ANO2: variants seen among roughly 807,000 people sequenced by gnomAD.
The protein encoded by ANO2 is anoctamin 2.
In ANO2, 101 loss-of-function variants were observed where a neutral mutation model predicts 124.2. That is an observed-to-expected ratio of 0.81 (90% CI 0.69 to 0.96). The LOEUF (loss-of-function observed/expected upper bound fraction) is 0.96, where lower values mean the gene tolerates loss of function less well. Among genes scored for constraint, ANO2 ranks in the 40% least tolerant of loss-of-function variants. ANO2 has a pLI of 0.00. For synonymous variants in ANO2, 486 were observed against 482.5 expected (o/e 1.01, Z -0.09); for missense variants, 1,293 against 1,274.5 (o/e 1.01, Z -0.22).
intron 4 of ANO2, among the ~76,000 whole-genome samples, chr12:5,842,837 G>T (rs1591683532): frequency 6.6e-6 from 1 of 152,230 alleles, no homozygotes; most frequent in Non-Finnish European, 1.5e-5. Flanking sequence ...ACCATCTCAG[G>T]TTCCTCACAG....
chr12:5,569,812 C>T (rs11063758), intron 23 of ANO2, among the ~76,000 whole-genome samples: 2,670 of 152,094 alleles, frequency 0.018, 83 homozygotes, highest in African/African-American at 0.061. Context: ...ATATGATTTC[C>T]GGAGCTTTTG....
intron 10 of ANO2, among the ~76,000 whole-genome samples, chr12:5,796,420 ACT>A (rs1377651984): frequency 6.7e-6 from 1 of 148,540 alleles, no homozygotes; most frequent in East Asian, 2.0e-4. Flanking sequence ...ACACTCTCAT[ACT>A]CTTACACTCA....
intron 14 of ANO2, among the ~76,000 whole-genome samples, chr12:5,673,603 T>C (rs1948110299): frequency 6.6e-6 from 1 of 152,198 alleles, no homozygotes; most frequent in African/African-American, 2.4e-5. Context: ...CTTCATAAAA[T>C]AAACATTAGT....
chr12:5,797,490 T>C (rs1209948419), intron 10 of ANO2, among the ~76,000 whole-genome samples: 1 of 152,046 alleles, frequency 6.6e-6, no homozygotes, highest in East Asian at 1.9e-4. Context: ...GCTCACTGAG[T>C]CTAAGTAGCT....
At chr12:5,776,903 G>A (rs1018965580) in intron 10 of ANO2, among the ~76,000 whole-genome samples, 1 of 152,174 alleles carries the variant, frequency 6.6e-6, no homozygotes, top group African/African-American at 2.4e-5. Flanking sequence ...TAACCTGGAG[G>A]ACAACTCCAA....
intron 3 of ANO2, among the ~76,000 whole-genome samples, chr12:5,903,647 ATGTGTGTGTGTG>A (rs143239619): frequency 6.7e-6 from 1 of 148,452 alleles, no homozygotes; most frequent in Non-Finnish European, 1.5e-5. Context: ...ATGTGCAAAG[ATGTGTGTGTGTG>A]TGTGTGTGTG....
intron 14 of ANO2, among the ~76,000 whole-genome samples, chr12:5,731,174 C>T (rs1276877984): frequency 1.3e-5 from 2 of 152,316 alleles, no homozygotes; most frequent in South Asian, 2.1e-4. Flanking sequence ...GAAGTTTGCA[C>T]GGCGTTGCCG....
chr12:5,878,773 T>C (rs1040184839), intron 3 of ANO2, among the ~76,000 whole-genome samples: 6 of 152,326 alleles, frequency 3.9e-5, no homozygotes, highest in Admixed American at 3.9e-4. Flanking sequence ...ACAGGATCTG[T>C]TGTGACTTAG....
intron 14 of ANO2, among the ~76,000 whole-genome samples, chr12:5,691,069 CCTGTAA>C (rs1948916899): frequency 6.6e-6 from 1 of 152,122 alleles, no homozygotes; most frequent in Admixed American, 6.5e-5. Flanking sequence ...GTGGCTCACG[CCTGTAA>C]TCCCAGCACT....
At chr12:5,801,762 ATC>A (rs965436361) in intron 9 of ANO2, among the ~76,000 whole-genome samples, 9 of 152,246 alleles carry the variant, frequency 5.9e-5, no homozygotes, top group African/African-American at 1.9e-4. Flanking sequence ...GCAGAGGAAC[ATC>A]TGAATTCATG....
In ANO2 at chr12:5,922,796, G is replaced by A; in HGVS notation, c.31C>T (p.Leu11=). Residue 11 remains leucine (L), a synonymous_variant, in exon 2 of 25, where the codon CTG becomes TTG. Transcript: ENST00000682330. The stretch of plus-strand genomic sequence containing the variant: ...AGCCGGCGTGGGGAGCCAGGGAGCA[G>A]GGGTATATCTGTGAGAGGGAAAGAC... MATPGPRDIP[L]LPGSPRRLSP... is the part of the protein sequence containing the mutation. 1 of 1,507,026 alleles carries A rather than the reference G, an allele frequency of 6.6e-7. No individual in the cohort carries two copies. Among genetic ancestry groups the A allele is most frequent in the Non-Finnish European group, 8.9e-7 (1 of 1,129,118 alleles). The allele number at this position is 1,507,026 out of a possible 1,614,324, so 93.4% of individuals were successfully genotyped here. A position where few individuals can be genotyped will look rare whatever the true frequency, so the allele number is the denominator to read the frequency against.
intron 3 of ANO2, among the ~76,000 whole-genome samples, chr12:5,916,323 G>C (rs1021042019): frequency 1.3e-5 from 2 of 150,904 alleles, no homozygotes; most frequent in East Asian, 3.9e-4. Context: ...CATGCAGAAC[G>C]TGAATGGATC....
At position 5,635,403 on chromosome 12, in the gene ANO2, T is replaced by C; in HGVS notation, c.1621-56A>G. The C allele has an allele frequency of 7.3e-7, 1 of 1,377,502 alleles. No homozygotes were observed. The highest frequency in any genetic ancestry group is 9.6e-7 in the Non-Finnish European group (1 of 1,041,840). 85.3% of individuals were successfully genotyped at this position (1,377,502 alleles called of 1,614,324 possible). On this transcript the variant is annotated intron_variant, in intron 15 of 24. Transcript: ENST00000682330. This position sits in a 1 kb window ranked among gnomAD's most constrained non-coding sequence, Gnocchi z 5.2. ...CAGCCGGCAATTACCGAGCACCTAC[T>C]ATTTGCTCTGCCAACAGTACCATTT...
chr12:5,628,713 T>C (rs1945543218), intron 16 of ANO2, among the ~76,000 whole-genome samples: 1 of 152,132 alleles, frequency 6.6e-6, no homozygotes, highest in Admixed American at 6.5e-5. Context: ...TGCGTGCACA[T>C]GTGCATGCAT....
chr12:5,726,371 C>T (rs777253881), intron 14 of ANO2, among the ~76,000 whole-genome samples: 2 of 152,180 alleles, frequency 1.3e-5, no homozygotes, highest in Non-Finnish European at 2.9e-5. Context: ...GTCTCTCACC[C>T]ATCTTTCCAG....
intron 20 of ANO2, among the ~76,000 whole-genome samples, chr12:5,581,196 G>T (rs1942736284): frequency 6.6e-6 from 1 of 152,208 alleles, no homozygotes; most frequent in African/African-American, 2.4e-5. Flanking sequence ...TAAGTGTATG[G>T]ATGGATGTAT....
At chr12:5,848,180 A>G (rs989322688) in intron 4 of ANO2, among the ~76,000 whole-genome samples, 13 of 152,218 alleles carry the variant, frequency 8.5e-5, no homozygotes, top group Non-Finnish European at 1.6e-4. Context: ...CATGTCATTT[A>G]CAACAGGAAA....
chr12:5,916,740 A>C (rs1481008685), intron 3 of ANO2, among the ~76,000 whole-genome samples: 1 of 149,330 alleles, frequency 6.7e-6, no homozygotes, highest in Admixed American at 6.7e-5. Context: ...AAAAAACAAA[A>C]CACTGTATCT....
chr12:5,853,849 C>T (rs1954998625), intron 4 of ANO2, among the ~76,000 whole-genome samples, 194 bp downstream of exon 4: 1 of 151,652 alleles, frequency 6.6e-6, no homozygotes, highest in South Asian at 2.1e-4. Context: ...GAGGATCTCC[C>T]TCCCCACCCC....
Sources: allele counts gnomAD v4.1 joint callset (sites outside exome capture counted in the v4.1 genomes callset), GRCh38; gene constraint gnomAD v4.1.1; non-coding constraint Gnocchi (gnomAD v3.1); transcripts MANE v1.5; gene names NCBI Gene and HGNC (gene_info 2026-07-23, HGNC 2026-07-21).